The following ZNF571 variants were observed in gnomAD, a reference collection of about 807,000 sequenced individuals.
The protein encoded by ZNF571 is zinc finger protein 571.
In ZNF571, 4 loss-of-function variants were observed where a neutral mutation model predicts 7.7. The observed-to-expected ratio is 0.52, with a 90% CI of 0.25 to 1.18. The LOEUF (loss-of-function observed/expected upper bound fraction) is 1.18, where lower values mean the gene tolerates loss of function less well. ZNF571 is among the 50% of genes most tolerant of loss of function. ZNF571 has a pLI of 0.14. For synonymous variants in ZNF571, 251 were observed against 232.4 expected, an observed-to-expected ratio of 1.08 and a Z score of -0.73; for missense variants, 704 against 726.9, an observed-to-expected ratio of 0.97 and a Z score of 0.36.
chr19:37,581,875 G>A (rs950574871), intron 3 of ZNF571, among the ~76,000 whole-genome samples: 11 of 150,884 alleles, frequency 7.3e-5, no homozygotes, highest in Non-Finnish European at 1.6e-4. Flanking sequence ...CAGGAGAATG[G>A]CAAAACTTCT....
At chr19:37,591,901 A>G (rs2043879778) in intron 1 of ZNF571, among the ~76,000 whole-genome samples, 1 of 152,242 alleles carries the variant, frequency 6.6e-6, no homozygotes, top group Non-Finnish European at 1.5e-5. Context: ...TATATATAGA[A>G]GAACTGTAAC....
At chr19:37,587,197 T>G (rs1409139312) in intron 1 of ZNF571, 7 of 152,856 alleles carry the variant, frequency 4.6e-5, no homozygotes, top group Non-Finnish European at 1.0e-4. Flanking sequence ...AATCTAGTTC[T>G]TTCTTGCCTG....
intron 1 of ZNF571, among the ~76,000 whole-genome samples, chr19:37,588,688 T>C (rs551699939): frequency 1.8e-4 from 28 of 152,290 alleles, no homozygotes; most frequent in Non-Finnish European, 2.2e-4. Context: ...CCTGAACATG[T>C]ACCCCCTGAA....
At chr19:37,568,743 A>G (rs1379159036) in intron 3 of ZNF571, among the ~76,000 whole-genome samples, 1 of 152,198 alleles carries the variant, frequency 6.6e-6, no homozygotes, top group African/African-American at 2.4e-5. Flanking sequence ...TTTTATTGTC[A>G]TTAAATTAAT....
rs774246731 is a variant in ZNF571, at chr19:37,565,160, T to G, written c.1268A>C (p.Glu423Ala). The part of the protein sequence containing the change: ...HTGEKPYKCK[E>A]CGKAFICGKQ... ...GCCACAAATAAAGGCCTTTCCACATTCCTTACATTTGTAGGGCTTCTCTCC... is the reference window on the plus strand; with the variant it reads ...GCCACAAATAAAGGCCTTTCCACATGCCTTACATTTGTAGGGCTTCTCTCC... Residue 423 changes from glutamate to alanine, a missense_variant, in exon 4 of 4, where the codon GAA (glutamate) becomes GCA (alanine). By Grantham distance (107) the Glu-to-Ala change is moderately radical (BLOSUM62 -1). Coordinates refer to ENST00000451802, the MANE Select transcript of ZNF571 (RefSeq NM_016536.5). 9 of 1,613,582 alleles carry G rather than the reference T, an allele frequency of 5.6e-6. No homozygotes were observed. Among genetic ancestry groups the G allele is most frequent in the Non-Finnish European group, 6.8e-6 (8 of 1,179,804 alleles).
At chr19:37,580,444 CTTGAT>C (rs2043414881) in intron 3 of ZNF571, among the ~76,000 whole-genome samples, 1 of 152,204 alleles carries the variant, frequency 6.6e-6, no homozygotes, top group Non-Finnish European at 1.5e-5. Flanking sequence ...ACAACATTTT[CTTGAT>C]TTATCAGGCA....
chr19:37,584,436 C>T (rs1322215722), intron 2 of ZNF571, among the ~76,000 whole-genome samples: 1 of 152,198 alleles, frequency 6.6e-6, no homozygotes, highest in Non-Finnish European at 1.5e-5. Context: ...AACTAATATA[C>T]TCTCAATTAA....
chr19:37,565,702 C>A lies in ZNF571; in HGVS notation c.726G>T (p.Gln242His). The A allele has an allele frequency of 6.2e-7, 1 of 1,613,890 alleles. No individual in the cohort carries two copies. The highest frequency in any genetic ancestry group is 2.2e-5 in the East Asian group (1 of 44,850). ...FIRGSQLTEH[Q>H]RVHTGEKPYE... Reference sequence around the variant, plus strand: ...ATGGTTTCTCTCCTGTATGAACTCTCTGATGTTCAGTGAGCTGTGAACCAC... The same window carrying A: ...ATGGTTTCTCTCCTGTATGAACTCTATGATGTTCAGTGAGCTGTGAACCAC... The change falls in exon 4 of 4, where the codon CAG becomes CAT. Residue 242 changes from glutamine to histidine, a missense_variant. Gln to His is a conservative substitution (Grantham distance 24). Transcript: ENST00000451802.
Position 37,565,665 on chromosome 19 carries a change from T to C in ZNF571, c.763A>G (p.Lys255Glu). ...CAATAACTAAAGGCTTTTCCACATT[T>C]CTTACATTCATATGGTTTCTCTCCT... ...HTGEKPYECK[K>E]CGKAFSYCSQ... The change falls in exon 4 of 4, where the codon AAA becomes GAA. Residue 255 changes from lysine (K) to glutamate (E), a missense_variant. By Grantham distance (56) the Lys-to-Glu change is moderately conservative. Transcript: ENST00000451802. 1.9e-6 allele frequency: 3 copies of C among 1,613,282 alleles called. 1 individual carries two copies. Among genetic ancestry groups the C allele is most frequent in the South Asian group, 2.2e-5 (2 of 91,000 alleles).
At position 37,586,737 on chromosome 19, in the gene ZNF571, A is replaced by G; in HGVS notation, c.-61T>C. 5.6e-6 allele frequency: 9 copies of G among 1,599,860 alleles called. No individual in the cohort carries two copies. The highest frequency in any genetic ancestry group is 7.7e-6 in the Non-Finnish European group (9 of 1,168,890). Reference sequence around the variant, plus strand: ...TCCTGGAGGTGTGCAAAGTCCAGAGAAGCCAGTGCTGGACAAGGAAAAGAA... The same window carrying G: ...TCCTGGAGGTGTGCAAAGTCCAGAGGAGCCAGTGCTGGACAAGGAAAAGAA... On this transcript the variant is annotated 5_prime_UTR_variant, in exon 2 of 4. Coordinates refer to ENST00000451802, the MANE Select transcript of ZNF571 (RefSeq NM_016536.5).
intron 3 of ZNF571, among the ~76,000 whole-genome samples, chr19:37,581,466 C>CTTT (rs1226046583): frequency 1.4e-5 from 2 of 138,726 alleles, no homozygotes; most frequent in East Asian, 2.1e-4. Flanking sequence ...TTCTTTCTTT[C>CTTT]TTTTTTTTTT....
Position 37,565,657 on chromosome 19 carries a change from T to C in ZNF571, c.771A>G (p.Gly257=). 6.2e-7 allele frequency: 1 copy of C among 1,613,322 alleles called. No homozygotes were observed. The highest frequency in any genetic ancestry group is 8.5e-7 in the Non-Finnish European group (1 of 1,179,736). Residue 257 remains glycine (G), a synonymous_variant, in exon 4 of 4, where the codon GGA becomes GGG. Coordinates refer to ENST00000451802, the MANE Select transcript of ZNF571 (RefSeq NM_016536.5). The part of the protein sequence containing the change: ...GEKPYECKKC[G]KAFSYCSQYT... ...ATTGTGAACAATAACTAAAGGCTTT[T>C]CCACATTTCTTACATTCATATGGTT...
At chr19:37,573,582 T>A (rs1317884413) in intron 3 of ZNF571, among the ~76,000 whole-genome samples, 1 of 151,776 alleles carries the variant, frequency 6.6e-6, no homozygotes, top group Non-Finnish European at 1.5e-5. Flanking sequence ...ATGCTAGGAC[T>A]TTGGGAGGCT....
At chr19:37,581,795 A>AC (rs2043474877) in intron 3 of ZNF571, among the ~76,000 whole-genome samples, 1 of 151,490 alleles carries the variant, frequency 6.6e-6, no homozygotes, top group Non-Finnish European at 1.5e-5. Flanking sequence ...CTGTGAAAAA[A>AC]AAACAAAAAA....
rs1004615655 is a variant in ZNF571, at chr19:37,584,231, T to G, written c.10-134A>C. The G allele has an allele frequency of 3.4e-6, 4 of 1,161,074 alleles. No homozygotes were observed. In the Admixed American group the frequency reaches 6.7e-5, roughly 19 times the overall value. 71.9% of individuals were successfully genotyped at this position (1,161,074 alleles called of 1,614,324 possible). ...GAAATTGGTTGCCTAAACAGTAGTATTAACCTGATTCTCTATCATTCCTAT... is the reference window on the plus strand; with the variant it reads ...GAAATTGGTTGCCTAAACAGTAGTAGTAACCTGATTCTCTATCATTCCTAT... On this transcript the variant is annotated intron_variant, in intron 2 of 3. Transcript: ENST00000451802.
Position 37,565,719 on chromosome 19 carries a change from G to C in ZNF571, c.709C>G (p.Gln237Glu), listed in dbSNP as rs2042831975. Residue 237 changes from glutamine (Q) to glutamate (E), a missense_variant, in exon 4 of 4, where the codon CAG becomes GAG. Transcript: ENST00000451802. ...ACGKAFIRGS[Q>E]LTEHQRVHTG... is the part of the protein sequence containing the mutation. ...TGAACTCTCTGATGTTCAGTGAGCT[G>C]TGAACCACGAATAAAAGCTTTCCCA... is the stretch of plus-strand genomic sequence containing the variant. The C allele has an allele frequency of 6.2e-7, 1 of 1,613,710 alleles. No individual in the cohort carries two copies. The highest frequency in any genetic ancestry group is 1.7e-5 in the Admixed American group (1 of 59,956).
At chr19:37,575,071 C>T (rs961803194) in intron 3 of ZNF571, among the ~76,000 whole-genome samples, 5 of 152,162 alleles carry the variant, frequency 3.3e-5, no homozygotes, top group Non-Finnish European at 5.9e-5. Context: ...CAATACAACA[C>T]CCCAAATAAC....
chr19:37,588,476 G>A (rs1417481545), intron 1 of ZNF571, among the ~76,000 whole-genome samples: 1 of 152,118 alleles, frequency 6.6e-6, no homozygotes, highest in Non-Finnish European at 1.5e-5. Context: ...AATACCACAT[G>A]TTGTCCTTTA....
In ZNF571 at chr19:37,584,015, T is replaced by C; in HGVS notation, c.92A>G (p.Tyr31Cys). The change falls in exon 3 of 4, where the codon TAC (tyrosine) becomes TGC (cysteine). Residue 31 changes from tyrosine (Y) to cysteine (C), a missense_variant. Coordinates refer to ENST00000451802, the MANE Select transcript of ZNF571 (RefSeq NM_016536.5). ...GTAGTTCTCCAACATCACATCCCTG[T>C]ACAAGTCCCTCTGAGCAGGGTCCAG... ...ECLDPAQRDL[Y>C]RDVMLENYSN... 6.2e-7 allele frequency: 1 copy of C among 1,614,062 alleles called. No homozygotes were observed. Among genetic ancestry groups the C allele is most frequent in the Non-Finnish European group, 8.5e-7 (1 of 1,179,948 alleles).
Sources: gnomAD v4.1 joint callset for allele counts (sites outside exome capture counted in the v4.1 genomes callset) on GRCh38, gnomAD v4.1.1 for gene constraint, MANE v1.5 for transcripts, NCBI Gene and HGNC (gene_info 2026-07-23, HGNC 2026-07-21) for gene names.